HECW2: variants seen among roughly 807,000 people sequenced by gnomAD.
The protein encoded by HECW2 is E3 ubiquitin-protein ligase HECW2.
HECW2 carries 61 observed loss-of-function variants against 175.2 expected under a neutral mutation model. The ratio of observed to expected loss-of-function variants is 0.35; its 90% CI spans 0.28 to 0.43. HECW2 has a LOEUF of 0.43. HECW2 is among the 20% of genes least tolerant of loss of function. The pLI is 1.00. For missense variants in HECW2, 1,524 were observed against 2,000.5 expected (o/e 0.76, Z 4.54); for synonymous variants, 671 against 731.0 (o/e 0.92, Z 1.32).
intron 1 of HECW2, among the ~76,000 whole-genome samples, chr2:196,449,845 T>C (rs114154271): frequency 6.6e-6 from 1 of 152,182 alleles, no homozygotes; most frequent in Admixed American, 6.5e-5. Context: ...TTTTTTAAAT[T>C]TATAGAAAGA....
intron 19 of HECW2, among the ~76,000 whole-genome samples, chr2:196,247,025 G>A (rs1476978638): frequency 6.6e-6 from 1 of 152,130 alleles, no homozygotes; most frequent in Non-Finnish European, 1.5e-5. Flanking sequence ...CACTTTGGGA[G>A]GCTGAGGTCG....
At chr2:196,324,781 C>T (rs1323490961) in intron 6 of HECW2, among the ~76,000 whole-genome samples, 199 bp downstream of exon 6, 3 of 152,006 alleles carry the variant, frequency 2.0e-5, no homozygotes, top group Non-Finnish European at 4.4e-5. Context: ...AAATTGTTCC[C>T]CTGATGTGAC....
intron 1 of HECW2, among the ~76,000 whole-genome samples, chr2:196,559,340 C>T (rs779634131): frequency 1.5e-4 from 23 of 152,284 alleles, no homozygotes; most frequent in East Asian, 3.9e-4. Flanking sequence ...TTCAGAAACA[C>T]GTGGGGATGT....
chr2:196,195,447 G>C lies in HECW2; in HGVS notation c.*5830C>G, dbSNP rs1686654439. The C allele has an allele frequency of 6.6e-6, 1 of 151,640 alleles. No individual in the cohort carries two copies. Among genetic ancestry groups the C allele is most frequent in the Admixed American group, 6.6e-5 (1 of 15,218 alleles). 9.4% of individuals were successfully genotyped at this position (151,640 alleles called of 1,614,324 possible). ...GTTCCCCAGAAACCATACAACTAGG[G>C]CCATCTTATTCTGCTGAGCTGTTCA... On this transcript the variant is annotated 3_prime_UTR_variant, in exon 29 of 29. Coordinates refer to ENST00000644978, the MANE Select transcript of HECW2 (RefSeq NM_001348768.2).
At chr2:196,396,603 C>T (rs1380919840) in intron 2 of HECW2, among the ~76,000 whole-genome samples, 1 of 152,130 alleles carries the variant, frequency 6.6e-6, no homozygotes, top group Non-Finnish European at 1.5e-5. Flanking sequence ...CTATTGTTTC[C>T]CCTTTTGGAG....
intron 13 of HECW2, among the ~76,000 whole-genome samples, chr2:196,302,193 G>A (rs116726480): frequency 0.042 from 6,367 of 152,260 alleles, 418 homozygotes; most frequent in African/African-American, 0.14. Flanking sequence ...AGGTCAAATG[G>A]TTGTAGGTGT....
intron 1 of HECW2, among the ~76,000 whole-genome samples, chr2:196,562,123 C>T (rs1041639144): frequency 5.9e-5 from 9 of 152,126 alleles, no homozygotes; most frequent in African/African-American, 1.4e-4. Flanking sequence ...AATAATGATA[C>T]GCTGAATAGA....
chr2:196,428,685 T>C (rs1695618875), intron 2 of HECW2, among the ~76,000 whole-genome samples: 1 of 152,212 alleles, frequency 6.6e-6, no homozygotes, highest in Non-Finnish European at 1.5e-5. Context: ...AAATTGTTGT[T>C]GCTTCTTTTA....
chr2:196,580,819 CAT>C (rs922229250), intron 1 of HECW2, among the ~76,000 whole-genome samples: 3 of 152,108 alleles, frequency 2.0e-5, no homozygotes, highest in African/African-American at 7.2e-5. Flanking sequence ...GAACTAAAAA[CAT>C]ACATCCACAC....
chr2:196,342,268 G>A (rs1489481345), intron 3 of HECW2, among the ~76,000 whole-genome samples: 1 of 151,934 alleles, frequency 6.6e-6, no homozygotes, highest in African/African-American at 2.4e-5. Context: ...GCTGGGCGTG[G>A]TGGTGCATGA....
intron 1 of HECW2, among the ~76,000 whole-genome samples, chr2:196,580,334 G>A (rs1475156702): frequency 6.6e-6 from 1 of 151,988 alleles, no homozygotes; most frequent in African/African-American, 2.4e-5. Flanking sequence ...AGGTGAGTTG[G>A]ATTTCATTAA....
intron 2 of HECW2, among the ~76,000 whole-genome samples, chr2:196,404,307 T>C (rs891265515): frequency 3.3e-5 from 5 of 152,198 alleles, no homozygotes; most frequent in African/African-American, 1.2e-4. Flanking sequence ...TGCCTAAGCA[T>C]TAGTCATGCC....
intron 2 of HECW2, among the ~76,000 whole-genome samples, chr2:196,422,831 T>A (rs937004218): frequency 6.6e-6 from 1 of 152,152 alleles, no homozygotes; most frequent in Non-Finnish European, 1.5e-5. Flanking sequence ...TCGGGCACTC[T>A]TAACTATATT....
At chr2:196,536,755 T>C (rs1245095432) in intron 1 of HECW2, among the ~76,000 whole-genome samples, 2 of 152,162 alleles carry the variant, frequency 1.3e-5, no homozygotes, top group Non-Finnish European at 2.9e-5. Flanking sequence ...GTTATTCCCA[T>C]CATTAATCTG....
At chr2:196,507,415 C>T (rs1382994252) in intron 1 of HECW2, among the ~76,000 whole-genome samples, 2 of 152,160 alleles carry the variant, frequency 1.3e-5, no homozygotes. Flanking sequence ...TTATTTTGTG[C>T]CCAGGGGAAA....
At chr2:196,480,052 C>G (rs561662833) in intron 1 of HECW2, among the ~76,000 whole-genome samples, 2 of 152,310 alleles carry the variant, frequency 1.3e-5, no homozygotes, top group East Asian at 1.9e-4. Context: ...GCCACTCCCC[C>G]CAAAATACCT....
At chr2:196,302,922 T>C (rs1267712296) in intron 13 of HECW2, among the ~76,000 whole-genome samples, 1 of 152,214 alleles carries the variant, frequency 6.6e-6, no homozygotes, top group Non-Finnish European at 1.5e-5. Context: ...TTTTGACTGA[T>C]TGCCCTGGCC....
At chr2:196,397,564 T>C (rs887307654) in intron 2 of HECW2, among the ~76,000 whole-genome samples, 4 of 152,260 alleles carry the variant, frequency 2.6e-5, no homozygotes, top group African/African-American at 9.6e-5. Flanking sequence ...ATGTATTCTA[T>C]TTATGCTTAA....
intron 1 of HECW2, among the ~76,000 whole-genome samples, chr2:196,548,654 A>G (rs1689503720): frequency 6.6e-6 from 1 of 152,180 alleles, no homozygotes; most frequent in South Asian, 2.1e-4. Flanking sequence ...CTGAACTGTT[A>G]CTTTACTGGG....
Sources: gnomAD v4.1 joint callset for allele counts (sites outside exome capture counted in the v4.1 genomes callset) on GRCh38, gnomAD v4.1.1 for gene constraint, MANE v1.5 for transcripts, NCBI Gene and HGNC (gene_info 2026-07-23, HGNC 2026-07-21) for gene names.